The following CD247 variants were observed in gnomAD, a reference collection of about 807,000 sequenced individuals.
CD247 encodes T-cell surface glycoprotein CD3 zeta chain.
In CD247, 13 loss-of-function variants were observed where a neutral mutation model predicts 30.0. The observed-to-expected ratio is 0.43, with a 90% CI of 0.28 to 0.69. The LOEUF (loss-of-function observed/expected upper bound fraction) is 0.69, where lower values mean the gene tolerates loss of function less well. CD247 is among the 30% of genes least tolerant of loss of function. CD247 has a pLI of 0.16. For missense variants in CD247, 193 were observed against 212.6 expected (o/e 0.91, Z 0.57); for synonymous variants, 72 against 80.0 (o/e 0.90, Z 0.53).
chr1:167,434,208 C>G (rs1289943444), intron 5 of CD247, 132 bp from the exon 6 acceptor site: 1 of 814,306 alleles, frequency 1.2e-6, no homozygotes, highest in Non-Finnish European at 2.1e-6. Flanking sequence ...ACAATCAAGG[C>G]TCCAAACCTT....
chr1:167,447,226 T>C (rs1231454578), intron 1 of CD247, among the ~76,000 whole-genome samples: 1 of 152,214 alleles, frequency 6.6e-6, no homozygotes, highest in East Asian at 1.9e-4. Context: ...TTGCAGATAA[T>C]GACGTTGCAG....
At chr1:167,484,111 G>T (rs1654094298) in intron 1 of CD247, among the ~76,000 whole-genome samples, 1 of 152,234 alleles carries the variant, frequency 6.6e-6, no homozygotes. Context: ...AAAATCGCAG[G>T]TGAGATCACA....
intron 1 of CD247, among the ~76,000 whole-genome samples, chr1:167,466,380 G>T (rs932092169): frequency 1.3e-5 from 2 of 151,928 alleles, no homozygotes; most frequent in Non-Finnish European, 2.9e-5. Flanking sequence ...TGTATTAAAT[G>T]TAAGTCCATT....
chr1:167,484,768 T>C (rs1351226409), intron 1 of CD247, among the ~76,000 whole-genome samples: 1 of 152,194 alleles, frequency 6.6e-6, no homozygotes, highest in Non-Finnish European at 1.5e-5. Flanking sequence ...AGAGCGAGAC[T>C]CTGTCTCAAA....
chr1:167,455,374 C>A (rs1297520741), intron 1 of CD247, among the ~76,000 whole-genome samples: 3 of 152,182 alleles, frequency 2.0e-5, no homozygotes, highest in African/African-American at 4.8e-5. Context: ...AAAGCCCAGG[C>A]GGCCGGGACC....
chr1:167,518,117 CG>C (rs1431901388), intron 1 of CD247, among the ~76,000 whole-genome samples: 4 of 152,166 alleles, frequency 2.6e-5, no homozygotes, highest in Non-Finnish European at 2.9e-5. Flanking sequence ...GGGCCTGCCT[CG>C]GTTGCTCTCT....
chr1:167,481,035 C>T (rs1558018357), intron 1 of CD247, among the ~76,000 whole-genome samples: 1 of 152,080 alleles, frequency 6.6e-6, no homozygotes, highest in African/African-American at 2.4e-5. Flanking sequence ...GCCTGTAATC[C>T]CAGCACTTTG....
chr1:167,466,594 G>C (rs1020500546), intron 1 of CD247, among the ~76,000 whole-genome samples: 1 of 152,146 alleles, frequency 6.6e-6, no homozygotes, highest in African/African-American at 2.4e-5. Context: ...GAGGAAAAAC[G>C]TGTGTATGTG....
intron 3 of CD247, 35 bp downstream of exon 3, chr1:167,439,309 T>C: frequency 6.2e-7 from 1 of 1,604,134 alleles, no homozygotes; most frequent in Admixed American, 1.7e-5. Context: ...AGGCTGCCCT[T>C]CCTTTCCGGA....
chr1:167,452,227 A>AAT (rs1652382355), intron 1 of CD247, among the ~76,000 whole-genome samples: 1 of 151,920 alleles, frequency 6.6e-6, no homozygotes, highest in African/African-American at 2.4e-5. Flanking sequence ...CTCCATCTCA[A>AAT]ACAAAACAAA....
intron 1 of CD247, among the ~76,000 whole-genome samples, chr1:167,504,959 T>C (rs1251953573): frequency 6.6e-6 from 1 of 152,194 alleles, no homozygotes; most frequent in African/African-American, 2.4e-5. Flanking sequence ...TTCATACTCA[T>C]GAAAACAAGT....
At chr1:167,443,576 G>A (rs1206655304) in intron 1 of CD247, among the ~76,000 whole-genome samples, 1 of 152,126 alleles carries the variant, frequency 6.6e-6, no homozygotes, top group East Asian at 1.9e-4. Context: ...GCTTGTCACA[G>A]AAAATTAGAA....
At position 167,475,579 on chromosome 1, in the gene CD247, G is replaced by A. The variant is rs557296614; in HGVS notation, c.59-34812C>T. On this transcript the variant is annotated intron_variant, in intron 1 of 7. Coordinates refer to ENST00000362089, the MANE Select transcript of CD247 (RefSeq NM_198053.3). ...TTGGTGTCACCAAAAGAAAGAGCAG[G>A]ACACATCACAAGCCTCCTGAGGAAA... 5.9e-5 allele frequency among the ~76,000 whole-genome samples: 9 copies of A among 152,214 alleles called. No homozygotes were observed. In the East Asian group the frequency reaches 9.6e-4, roughly 16 times the overall value.
intron 1 of CD247, among the ~76,000 whole-genome samples, chr1:167,491,264 A>G (rs554235896): frequency 6.6e-6 from 1 of 152,274 alleles, no homozygotes; most frequent in African/African-American, 2.4e-5. Flanking sequence ...GTGGTTCCTC[A>G]GAAAGTTAAA....
chr1:167,458,547 G>A (rs1652822935), intron 1 of CD247: 1 of 152,232 alleles, frequency 6.6e-6, no homozygotes. Flanking sequence ...CTCATCTTAC[G>A]ATGAAATTTT....
chr1:167,479,542 C>G (rs1653884196), intron 1 of CD247, among the ~76,000 whole-genome samples: 1 of 152,164 alleles, frequency 6.6e-6, no homozygotes, highest in African/African-American at 2.4e-5. Context: ...ATGCCTCCCC[C>G]TGTTCAAAAA....
chr1:167,517,672 T>C (rs1407061168), intron 1 of CD247, among the ~76,000 whole-genome samples: 2 of 152,190 alleles, frequency 1.3e-5, no homozygotes, highest in African/African-American at 2.4e-5. Flanking sequence ...CCGGGCCCTC[T>C]GGCTGGGCTA....
At chr1:167,509,191 ACCC>A (rs1283177934) in intron 1 of CD247, among the ~76,000 whole-genome samples, 3 of 151,790 alleles carry the variant, frequency 2.0e-5, no homozygotes, top group Non-Finnish European at 4.4e-5. Context: ...ACATGGAGAA[ACCC>A]TGTCTCTACT....
At chr1:167,469,922 A>T (rs546403852) in intron 1 of CD247, among the ~76,000 whole-genome samples, 37 of 151,104 alleles carry the variant, frequency 2.4e-4, no homozygotes, top group East Asian at 1.4e-3. Flanking sequence ...ATTTTATTTT[A>T]TTTTTTTTGA....
Sources: allele counts gnomAD v4.1 joint callset (sites outside exome capture counted in the v4.1 genomes callset), GRCh38; gene constraint gnomAD v4.1.1; transcripts MANE v1.5; gene names NCBI Gene and HGNC (gene_info 2026-07-23, HGNC 2026-07-21).